The following OR14A2 variants were observed in gnomAD, a reference collection of about 807,000 sequenced individuals.
OR14A2 encodes the protein olfactory receptor 14A2.
For synonymous variants in OR14A2, 114 were observed against 58.6 expected (o/e 1.95, Z -4.32); for missense variants, 237 against 152.9 (o/e 1.55, Z -2.90).
At chr1:247,744,244 T>C in the OR14A2 span, among the ~76,000 whole-genome samples, 1 of 152,260 alleles carries the variant, frequency 6.6e-6, no homozygotes, top group African/African-American at 2.4e-5. This position sits in a 1 kb window ranked among gnomAD's most constrained non-coding sequence, Gnocchi z 4.3. Flanking sequence ...ATATAATTTA[T>C]ATATGTTTTA....
upstream of OR14A2, among the ~76,000 whole-genome samples, chr1:247,726,690 A>G (rs1385279178): frequency 0.028 from 4,182 of 146,986 alleles, 186 homozygotes; most frequent in African/African-American, 0.1. Flanking sequence ...TCTTTAATCC[A>G]TCTTGAATTG....
At chr1:247,725,432 A>G (rs1208555108), upstream of OR14A2, among the ~76,000 whole-genome samples, 1 of 151,942 alleles carries the variant, frequency 6.6e-6, no homozygotes, top group Admixed American at 6.6e-5. Context: ...AGGGAGGAGG[A>G]AGATAATTAA....
upstream of OR14A2, among the ~76,000 whole-genome samples, chr1:247,728,114 C>A (rs1385329711): frequency 6.6e-6 from 1 of 150,652 alleles, no homozygotes; most frequent in Non-Finnish European, 1.5e-5. Context: ...GGCAGAGACA[C>A]AACCAAAAAA....
the OR14A2 span, among the ~76,000 whole-genome samples, chr1:247,745,716 A>T: frequency 6.6e-6 from 1 of 152,206 alleles, no homozygotes; most frequent in African/African-American, 2.4e-5. Flanking sequence ...AAGACATCAG[A>T]CAAAAAAATT....
At chr1:247,734,352 C>T in the OR14A2 span, among the ~76,000 whole-genome samples, 1 of 152,100 alleles carries the variant, frequency 6.6e-6, no homozygotes, top group Non-Finnish European at 1.5e-5. Context: ...GTGCAGCCTC[C>T]AGAATCGTGA....
At chr1:247,729,279 A>G in the OR14A2 span, among the ~76,000 whole-genome samples, 1 of 152,134 alleles carries the variant, frequency 6.6e-6, no homozygotes, top group Non-Finnish European at 1.5e-5. Context: ...GTAGGTCCAG[A>G]ACATTCTGAA....
upstream of OR14A2, among the ~76,000 whole-genome samples, chr1:247,724,464 A>G (rs1312093945): frequency 6.6e-6 from 1 of 152,170 alleles, no homozygotes; most frequent in Non-Finnish European, 1.5e-5. Context: ...TTGTGTTAGT[A>G]TCCCTAATAT....
chr1:247,724,191 TA>T, upstream of OR14A2: 1 of 512,394 alleles, frequency 2.0e-6, no homozygotes, highest in Non-Finnish European at 3.4e-6. Context: ...TGTACCTACC[TA>T]AAATGGCTCT....
the OR14A2 span, among the ~76,000 whole-genome samples, chr1:247,745,323 A>G: frequency 6.6e-6 from 1 of 152,218 alleles, no homozygotes; most frequent in East Asian, 1.9e-4. Context: ...CAGTGATGCT[A>G]TGAAAACATA....
At chr1:247,740,169 C>T in the OR14A2 span, among the ~76,000 whole-genome samples, 3 of 152,200 alleles carry the variant, frequency 2.0e-5, no homozygotes, top group Non-Finnish European at 4.4e-5. Flanking sequence ...TTCATCTTTT[C>T]GGCATTCTCT....
chr1:247,739,281 G>A, the OR14A2 span: 1 of 780,818 alleles, frequency 1.3e-6, no homozygotes, highest in Middle Eastern at 2.3e-4. Flanking sequence ...TTTCTCTGCT[G>A]TGTTAAGGAT....
the OR14A2 span, among the ~76,000 whole-genome samples, chr1:247,734,345 C>T: frequency 6.6e-6 from 1 of 152,146 alleles, no homozygotes; most frequent in Non-Finnish European, 1.5e-5. Flanking sequence ...CTCAGATGTG[C>T]AGCCTCCAGA....
At chr1:247,726,924 T>C (rs1403599004), upstream of OR14A2, among the ~76,000 whole-genome samples, 5 of 142,964 alleles carry the variant, frequency 3.5e-5, no homozygotes, top group African/African-American at 1.4e-4. Flanking sequence ...CATGCTGTTT[T>C]GGTTACTGTA....
chr1:247,726,730 C>T (rs1402428290), upstream of OR14A2, among the ~76,000 whole-genome samples: 1 of 144,246 alleles, frequency 6.9e-6, no homozygotes, highest in Non-Finnish European at 1.5e-5. Flanking sequence ...GGAAGGGATC[C>T]AGTTTCAGCT....
At chr1:247,723,391 T>A in exon 1 of OR14A2, 1 of 717,522 alleles carries the variant, frequency 1.4e-6, no homozygotes, top group Non-Finnish European at 2.6e-6. Context: ...GGAGAAGATA[T>A]AAATGTAAGA....
At chr1:247,747,576 A>G in the OR14A2 span, among the ~76,000 whole-genome samples, 1 of 151,710 alleles carries the variant, frequency 6.6e-6, no homozygotes, top group African/African-American at 2.4e-5. Flanking sequence ...GTTAGCCAGG[A>G]TGGTCTCGAT....
the OR14A2 span, among the ~76,000 whole-genome samples, chr1:247,741,289 G>A: frequency 6.6e-6 from 1 of 152,174 alleles, no homozygotes; most frequent in Non-Finnish European, 1.5e-5. Context: ...TGCATGGAAA[G>A]TTCATGCATA....
upstream of OR14A2, among the ~76,000 whole-genome samples, chr1:247,725,377 C>T (rs906070822): frequency 3.3e-5 from 5 of 151,886 alleles, no homozygotes; most frequent in Middle Eastern, 3.2e-3. Context: ...CATTTATTAG[C>T]TTACTTCAAT....
At chr1:247,738,086 T>A in the OR14A2 span, among the ~76,000 whole-genome samples, 1 of 152,198 alleles carries the variant, frequency 6.6e-6, no homozygotes, top group Non-Finnish European at 1.5e-5. Flanking sequence ...GGAGTAAACT[T>A]TAATGCAAAA....
Sources: gnomAD v4.1 joint callset for allele counts (sites outside exome capture counted in the v4.1 genomes callset) on GRCh38, gnomAD v4.1.1 for gene constraint, Gnocchi (gnomAD v3.1) non-coding constraint, MANE v1.5 for transcripts, NCBI Gene and HGNC (gene_info 2026-07-23, HGNC 2026-07-21) for gene names.